The following SPON1 variants were observed in gnomAD, a reference collection of about 807,000 sequenced individuals.
SPON1 encodes spondin-1.
SPON1 carries 52 observed loss-of-function variants against 111.7 expected under a neutral mutation model. The ratio of observed to expected loss-of-function variants is 0.47; its 90% CI spans 0.37 to 0.59. SPON1 has a LOEUF of 0.59. Ranked by LOEUF, SPON1 falls within the 20% of genes least tolerant of loss-of-function variation. The probability of loss-of-function intolerance (pLI) is 0.00; values close to 1 mark genes in which losing one functional copy is unlikely to be tolerated. For synonymous variants in SPON1, 410 were observed against 395.8 expected (o/e 1.04, Z -0.43); for missense variants, 957 against 1,068.5 (o/e 0.90, Z 1.46).
intron 6 of SPON1, among the ~76,000 whole-genome samples, chr11:14,137,325 G>T (rs1847604241): frequency 6.6e-6 from 1 of 152,118 alleles, no homozygotes; most frequent in Admixed American, 6.5e-5. Flanking sequence ...AATCAGCATG[G>T]CTGTGATTGG....
chr11:14,086,903 A>G (rs1554922688), intron 5 of SPON1, among the ~76,000 whole-genome samples: 1 of 152,050 alleles, frequency 6.6e-6, no homozygotes, highest in Non-Finnish European at 1.5e-5. Context: ...GAATTTATCC[A>G]TTTCTTCTAG....
At chr11:14,058,688 C>G (rs1848766535) in intron 3 of SPON1, among the ~76,000 whole-genome samples, 3 of 152,160 alleles carry the variant, frequency 2.0e-5, no homozygotes, top group African/African-American at 7.2e-5. Context: ...TTATCGCTTC[C>G]TTTGCCAAAA....
chr11:14,030,476 C>G (rs892057448), intron 2 of SPON1, among the ~76,000 whole-genome samples: 1 of 152,166 alleles, frequency 6.6e-6, no homozygotes, highest in Non-Finnish European at 1.5e-5. Context: ...CACGTCACCT[C>G]CCCCACAATC....
intron 3 of SPON1, among the ~76,000 whole-genome samples, chr11:14,070,006 G>A (rs1313779059): frequency 2.0e-5 from 3 of 152,166 alleles, no homozygotes; most frequent in Non-Finnish European, 4.4e-5. Flanking sequence ...CAAGATTGGT[G>A]AGTGTGCATC....
chr11:14,044,209 A>C (rs1364343069), intron 3 of SPON1, among the ~76,000 whole-genome samples: 2 of 152,216 alleles, frequency 1.3e-5, no homozygotes, highest in African/African-American at 4.8e-5. Flanking sequence ...TTATTAAATA[A>C]ATAGTAATTG....
At chr11:14,171,968 G>C (rs1554932527) in intron 6 of SPON1, among the ~76,000 whole-genome samples, 1 of 152,196 alleles carries the variant, frequency 6.6e-6, no homozygotes, top group East Asian at 1.9e-4. Flanking sequence ...TGTATATCCT[G>C]TTGATTTGGG....
intron 2 of SPON1, among the ~76,000 whole-genome samples, chr11:13,993,916 G>A (rs1554911477): frequency 6.6e-6 from 1 of 152,122 alleles, no homozygotes; most frequent in Non-Finnish European, 1.5e-5. Context: ...GCATCAACTA[G>A]TTTAGGTAAC....
intron 6 of SPON1, among the ~76,000 whole-genome samples, chr11:14,191,304 T>C (rs1237042115): frequency 6.6e-6 from 1 of 152,210 alleles, no homozygotes; most frequent in Non-Finnish European, 1.5e-5. Context: ...TCGTAGGTTA[T>C]GTTATATACA....
chr11:14,057,831 C>CAAAAAAAAAAAAAA (rs782306609), intron 3 of SPON1, among the ~76,000 whole-genome samples: 57 of 100,572 alleles, frequency 5.7e-4, no homozygotes, highest in African/African-American at 1.1e-3. Flanking sequence ...CTTGTCTCTA[C>CAAAAAAAAAAAAAA]AAAAAAAAAA....
At chr11:14,156,952 C>G (rs1327285537) in intron 6 of SPON1, among the ~76,000 whole-genome samples, 3 of 152,162 alleles carry the variant, frequency 2.0e-5, no homozygotes, top group African/African-American at 7.2e-5. Flanking sequence ...TGACCAGACC[C>G]CTTCTCCAAC....
At chr11:14,213,557 T>C (rs1848597104) in intron 6 of SPON1, among the ~76,000 whole-genome samples, 1 of 152,224 alleles carries the variant, frequency 6.6e-6, no homozygotes, top group South Asian at 2.1e-4. Context: ...TTGACAATAG[T>C]AATTAATCAA....
intron 5 of SPON1, among the ~76,000 whole-genome samples, chr11:14,082,565 A>G (rs549926017): frequency 6.6e-6 from 1 of 152,302 alleles, no homozygotes; most frequent in African/African-American, 2.4e-5. Context: ...CACACTCATT[A>G]TGACCTGGGA....
At chr11:14,231,279 G>T (rs1438045839) in intron 6 of SPON1, among the ~76,000 whole-genome samples, 5 of 151,862 alleles carry the variant, frequency 3.3e-5, no homozygotes, top group African/African-American at 7.3e-5. Context: ...GACTACAGGC[G>T]CATGCCACCA....
chr11:14,083,551 T>A (rs1848980927), intron 5 of SPON1, among the ~76,000 whole-genome samples: 1 of 152,244 alleles, frequency 6.6e-6, no homozygotes, highest in African/African-American at 2.4e-5. Flanking sequence ...TGAATGGATC[T>A]TTTACAAATG....
At chr11:13,964,741 G>A (rs1320635808) in intron 1 of SPON1, among the ~76,000 whole-genome samples, 4 of 152,178 alleles carry the variant, frequency 2.6e-5, no homozygotes, top group Non-Finnish European at 5.9e-5. Flanking sequence ...GCCGACGGGC[G>A]GCGACTGCCA....
At chr11:13,981,398 C>T in intron 1 of SPON1, among the ~76,000 whole-genome samples, 1 of 152,172 alleles carries the variant, frequency 6.6e-6, no homozygotes, top group East Asian at 1.9e-4. Flanking sequence ...ACAATCGCGG[C>T]TTACTGCAAG....
At chr11:13,975,667 C>G (rs1848097855) in intron 1 of SPON1, among the ~76,000 whole-genome samples, 1 of 152,042 alleles carries the variant, frequency 6.6e-6, no homozygotes, top group Admixed American at 6.6e-5. Context: ...CTGTAGGAAG[C>G]CTTGCTTTAT....
At chr11:14,250,491 G>A (rs1554940594) in intron 7 of SPON1, among the ~76,000 whole-genome samples, 1 of 150,210 alleles carries the variant, frequency 6.7e-6, no homozygotes, top group African/African-American at 2.5e-5. Context: ...AGCCTATTTT[G>A]TATAGTCCTT....
At chr11:14,225,369 T>A (rs1252808691) in intron 6 of SPON1, among the ~76,000 whole-genome samples, 4 of 152,094 alleles carry the variant, frequency 2.6e-5, no homozygotes, top group South Asian at 2.1e-4. Flanking sequence ...AATGTTTTTT[T>A]AAAAAAACAA....
Sources: allele counts gnomAD v4.1 joint callset (sites outside exome capture counted in the v4.1 genomes callset), GRCh38; gene constraint gnomAD v4.1.1; transcripts MANE v1.5; gene names NCBI Gene and HGNC (gene_info 2026-07-23, HGNC 2026-07-21).